DCTN5: variants seen among roughly 807,000 people sequenced by gnomAD.
DCTN5 encodes dynactin 4.
A neutral mutation model predicts 23.5 loss-of-function variants in DCTN5; 14 were observed. That is an observed-to-expected ratio of 0.60 (90% CI 0.39 to 0.93). The LOEUF (loss-of-function observed/expected upper bound fraction) is 0.93, where lower values mean the gene tolerates loss of function less well. DCTN5 is among the 40% of genes least tolerant of loss of function. The pLI is 0.00. For synonymous variants in DCTN5, 67 were observed against 79.6 expected (o/e 0.84, Z 0.84); for missense variants, 156 against 225.9 (o/e 0.69, Z 1.98).
chr16:23,659,091 T>C (rs1967765196), intron 3 of DCTN5, among the ~76,000 whole-genome samples: 1 of 152,224 alleles, frequency 6.6e-6, no homozygotes, highest in Admixed American at 6.5e-5. Flanking sequence ...CCTACCTTGC[T>C]GACTCAGCCT....
chr16:23,652,971 C>G (rs913074200), intron 2 of DCTN5, among the ~76,000 whole-genome samples: 1 of 151,946 alleles, frequency 6.6e-6, no homozygotes, highest in Admixed American at 6.6e-5. Flanking sequence ...AGGGAGACCC[C>G]CATCTCTACA....
intron 2 of DCTN5, among the ~76,000 whole-genome samples, chr16:23,654,411 A>T (rs1019095581): frequency 6.6e-6 from 1 of 152,180 alleles, no homozygotes; most frequent in Non-Finnish European, 1.5e-5. Context: ...TGATGAGAAC[A>T]CATGGACACA....
chr16:23,665,981 G>A (rs1008256354), intron 5 of DCTN5: 1 of 495,490 alleles, frequency 2.0e-6, no homozygotes, highest in South Asian at 2.3e-5. Flanking sequence ...AGCCCAAGCT[G>A]TGAGATTGCA....
Position 23,645,783 on chromosome 16 carries a change from C to T in DCTN5, c.117+2760C>T, listed in dbSNP as rs114195166. On this transcript the variant is annotated intron_variant, in intron 2 of 5. Transcript: ENST00000300087. ...TCCATTGTATGTATATGCCACATTT[C>T]GTATAGGCACTTGGATTGTTTCTAC... 2.8e-3 allele frequency among the ~76,000 whole-genome samples: 426 copies of T among 152,236 alleles called. 1 individual carries two copies. The highest frequency in any genetic ancestry group is 9.7e-3 in the African/African-American group (405 of 41,548).
In DCTN5 at chr16:23,671,688, G is replaced by T. The variant is rs1453375967; in HGVS notation, c.*4544G>T. The T allele has an allele frequency of 6.6e-6, 1 of 152,220 alleles. No homozygotes were observed. Among genetic ancestry groups the T allele is most frequent in the Non-Finnish European group, 1.5e-5 (1 of 68,046 alleles). 9.4% of individuals were successfully genotyped at this position (152,220 alleles called of 1,614,324 possible). A position where few individuals can be genotyped will look rare whatever the true frequency, so the allele number is the denominator to read the frequency against. ...CTCCTCCACTATCTTGGCCTCCAAG[G>T]CAGCTGGCTTTGAACACTACCCTTG... On this transcript the variant is annotated 3_prime_UTR_variant, in exon 6 of 6. Transcript: ENST00000300087.
At chr16:23,642,003 C>T (rs757400087) in intron 1 of DCTN5, among the ~76,000 whole-genome samples, 12 of 152,166 alleles carry the variant, frequency 7.9e-5, no homozygotes, top group Admixed American at 2.0e-4. Context: ...GCGATCTCTG[C>T]TCACTGCAAC....
rs929661968 is a variant in DCTN5, at chr16:23,641,495, C to T, written c.-48C>T. The T allele has an allele frequency of 2.5e-6, 4 of 1,611,834 alleles. No individual in the cohort carries two copies. Among genetic ancestry groups the T allele is most frequent in the Admixed American group, 3.3e-5 (2 of 59,962 alleles). The stretch of plus-strand genomic sequence containing the variant: ...GTAGCCGGAATCTCTGAAAGACTGA[C>T]CGACTGACTCTGACAGGATCCGGGG... On this transcript the variant is annotated 5_prime_UTR_variant, in exon 1 of 6. Transcript: ENST00000300087.
intron 1 of DCTN5, among the ~76,000 whole-genome samples, chr16:23,642,022 C>T (rs62032983): frequency 0.2 from 29,738 of 152,066 alleles, 3,201 homozygotes; most frequent in East Asian, 0.43. Context: ...ACCTCCGCCT[C>T]CCGGGTTCAA....
intron 2 of DCTN5, among the ~76,000 whole-genome samples, chr16:23,649,617 C>A (rs767948600): frequency 6.6e-6 from 1 of 151,984 alleles, no homozygotes; most frequent in Non-Finnish European, 1.5e-5. Flanking sequence ...CCAAGGCGGG[C>A]GGATCACTTG....
At position 23,666,689 on chromosome 16, in the gene DCTN5, G is replaced by T. The variant is rs1168366801; in HGVS notation, c.452-358G>T. On this transcript the variant is annotated intron_variant, in intron 5 of 5. Coordinates refer to ENST00000300087, the MANE Select transcript of DCTN5 (RefSeq NM_032486.4). ...ATACCTACCACTGAGTGGTTTAATT[G>T]TTTTTCCAATTAAAAAATAAATCTC... 7.8e-6 allele frequency: 3 copies of T among 384,058 alleles called. No individual in the cohort carries two copies. The East Asian group carries it at 1.4e-4, about 18-fold the overall frequency. 23.8% of individuals were successfully genotyped at this position (384,058 alleles called of 1,614,324 possible).
intron 2 of DCTN5, among the ~76,000 whole-genome samples, 184 bp downstream of exon 2, chr16:23,643,207 T>G (rs55844967): frequency 0.062 from 9,452 of 151,974 alleles, 593 homozygotes; most frequent in African/African-American, 0.16. Flanking sequence ...GTTTCGGTTT[T>G]TTTTGAGACA....
chr16:23,664,376 T>C (rs978659607), intron 4 of DCTN5, among the ~76,000 whole-genome samples: 1 of 152,234 alleles, frequency 6.6e-6, no homozygotes, highest in African/African-American at 2.4e-5. Flanking sequence ...GAAAAACATA[T>C]GATTTAAGTG....
chr16:23,665,778 G>T, intron 5 of DCTN5, 50 bp downstream of exon 5: 1 of 1,488,074 alleles, frequency 6.7e-7, no homozygotes, highest in Non-Finnish European at 9.3e-7. Context: ...AAACTCAGTT[G>T]TATTTTCCAT....
At position 23,665,809 on chromosome 16, in the gene DCTN5, T is replaced by C. The variant is rs114862565; in HGVS notation, c.451+81T>C. The C allele has an allele frequency of 1.5e-3, 1,770 of 1,160,130 alleles. 13 individuals are homozygous for C. The African/African-American group carries it at 0.023, about 15-fold the overall frequency. The allele number at this position is 1,160,130 out of a possible 1,614,324, so 71.9% of individuals were successfully genotyped here. ...TCCATCGCAAAAGTAATGCTTACGA[T>C]TCCTATCTCTGGCAATATGTTGATA... On this transcript the variant is annotated intron_variant, in intron 5 of 5. Coordinates refer to ENST00000300087, the MANE Select transcript of DCTN5 (RefSeq NM_032486.4).
rs1314910999 is a variant in DCTN5 at position 23,676,085 on chromosome 16, A to G, written c.*8941A>G. On this transcript the variant is annotated 3_prime_UTR_variant, in exon 6 of 6. Transcript: ENST00000300087. ...TGCCCCTGGGACTGTGCTTCTGTAC[A>G]TGACCACAACTCTCATGATGTCCCC... 1.3e-5 allele frequency: 2 copies of G among 152,068 alleles called. No individual in the cohort carries two copies. The highest frequency in any genetic ancestry group is 6.6e-5 in the Admixed American group (1 of 15,266). The allele number at this position is 152,068 out of a possible 1,614,324, so 9.4% of individuals were successfully genotyped here. A position where few individuals can be genotyped will look rare whatever the true frequency, so the allele number is the denominator to read the frequency against.
intron 4 of DCTN5, among the ~76,000 whole-genome samples, chr16:23,661,757 G>A (rs1341372022): frequency 6.9e-6 from 1 of 144,066 alleles, no homozygotes; most frequent in African/African-American, 2.7e-5. Flanking sequence ...TAAATAAAAA[G>A]ATTTGGAATA....
intron 2 of DCTN5, 90 bp downstream of exon 2, chr16:23,643,113 C>A: frequency 2.0e-6 from 2 of 1,007,566 alleles, no homozygotes; most frequent in East Asian, 2.4e-5. Context: ...GTTGCCATAT[C>A]TCCTATTTAT....
At position 23,673,564 on chromosome 16, in the gene DCTN5, G is replaced by A. The variant is rs983046706; in HGVS notation, c.*6420G>A. 6.6e-6 allele frequency: 1 copy of A among 152,244 alleles called. No homozygotes were observed. The highest frequency in any genetic ancestry group is 2.4e-5 in the African/African-American group (1 of 41,460). 9.4% of individuals were successfully genotyped at this position (152,244 alleles called of 1,614,324 possible). A position where few individuals can be genotyped will look rare whatever the true frequency, so the allele number is the denominator to read the frequency against. ...TAGCTGGACGCAGTGGCGTGCGCCTGTAGTCCCAGCTACTCATCTCTTAAA... is the reference window on the plus strand; with the variant it reads ...TAGCTGGACGCAGTGGCGTGCGCCTATAGTCCCAGCTACTCATCTCTTAAA... On this transcript the variant is annotated 3_prime_UTR_variant, in exon 6 of 6. Coordinates refer to ENST00000300087, the MANE Select transcript of DCTN5 (RefSeq NM_032486.4).
rs752039602 is a variant in DCTN5, at chr16:23,667,134, C to T, written c.539C>T (p.Thr180Met). Reference sequence around the variant, plus strand: ...TACTACCAGAAGTTTTTGCCCCTGACGCAAGTCTAGCATCTCTGCCTCATG... The same window carrying T: ...TACTACCAGAAGTTTTTGCCCCTGATGCAAGTCTAGCATCTCTGCCTCATG... ...KSYYQKFLPL[T>M]QV The change falls in exon 6 of 6, where the codon ACG becomes ATG. Residue 180 changes from threonine to methionine, a missense_variant. Transcript: ENST00000300087. 8 of 1,612,522 alleles carry T rather than the reference C, an allele frequency of 5.0e-6. No individual in the cohort carries two copies. Among genetic ancestry groups the T allele is most frequent in the South Asian group, 2.2e-5 (2 of 90,992 alleles).
Sources: gnomAD v4.1 joint callset for allele counts (sites outside exome capture counted in the v4.1 genomes callset) on GRCh38, gnomAD v4.1.1 for gene constraint, MANE v1.5 for transcripts, NCBI Gene and HGNC (gene_info 2026-07-23, HGNC 2026-07-21) for gene names.